The following DLC1 variants were observed in gnomAD, a reference collection of about 807,000 sequenced individuals.
DLC1 encodes the protein rho GTPase-activating protein 7.
DLC1 carries 54 observed loss-of-function variants against 140.3 expected under a neutral mutation model. That is an observed-to-expected ratio of 0.38 (90% CI 0.31 to 0.48). DLC1 has a LOEUF of 0.48. Ranked by LOEUF, DLC1 falls within the 20% of genes least tolerant of loss-of-function variation. The probability of loss-of-function intolerance (pLI) is 0.96; values close to 1 mark genes in which losing one functional copy is unlikely to be tolerated. For synonymous variants in DLC1, 986 were observed against 728.1 expected, an observed-to-expected ratio of 1.35 and a Z score of -5.70; for missense variants, 2,536 against 1,907.0, an observed-to-expected ratio of 1.33 and a Z score of -6.14.
At chr8:13,342,505 C>T (rs923700508) in intron 4 of DLC1, 1 of 152,154 alleles carries the variant, frequency 6.6e-6, no homozygotes, top group Non-Finnish European at 1.5e-5. Context: ...GCAGAGTAGG[C>T]TTTGTAATGC....
chr8:13,188,936 GC>G (rs1417809641), intron 5 of DLC1, among the ~76,000 whole-genome samples: 7 of 142,500 alleles, frequency 4.9e-5, no homozygotes, highest in Non-Finnish European at 7.5e-5. Flanking sequence ...TTATCCGCCC[GC>G]CTCGGCCTCC....
intron 5 of DLC1, among the ~76,000 whole-genome samples, chr8:13,143,978 G>C (rs1823233305): frequency 6.6e-6 from 1 of 152,178 alleles, no homozygotes; most frequent in African/African-American, 2.4e-5. Flanking sequence ...GACTGCAGCG[G>C]CCGGAGAGAC....
chr8:13,386,730 G>A (rs1441276658), intron 4 of DLC1, among the ~76,000 whole-genome samples: 3 of 151,974 alleles, frequency 2.0e-5, no homozygotes, highest in African/African-American at 7.2e-5. Flanking sequence ...AATCCTCTGT[G>A]CTTTTAAATC....
intron 5 of DLC1, among the ~76,000 whole-genome samples, chr8:13,163,069 C>T (rs1585811553): frequency 1.3e-5 from 2 of 152,242 alleles, no homozygotes; most frequent in East Asian, 3.9e-4. Flanking sequence ...TACAGGCAGG[C>T]ATACAACCAG....
chr8:13,416,197 C>T (rs977963322), intron 2 of DLC1, among the ~76,000 whole-genome samples: 3 of 152,142 alleles, frequency 2.0e-5, no homozygotes, highest in African/African-American at 7.2e-5. Flanking sequence ...TGTCTTTCTA[C>T]ATCCTAAGTT....
Position 13,306,583 on chromosome 8 carries a change from T to A in DLC1, c.1315-1281A>T, listed in dbSNP as rs113441099. Among the ~76,000 whole-genome samples, 490 of 121,006 alleles carry A rather than the reference T, an allele frequency of 4.0e-3. 2 individuals carry two copies. The highest frequency in any genetic ancestry group is 0.013 in the East Asian group (59 of 4,554). The allele number at this position is 121,006 out of a possible 152,430, so 79.4% of individuals were successfully genotyped here. ...TTGTGTGTGTGTGTGTGTGTGTGTG[T>A]GAGAGAGAGAGAGAGAGAGGCCCAA... On this transcript the variant is annotated intron_variant, in intron 4 of 17. Coordinates refer to ENST00000276297, the MANE Select transcript of DLC1 (RefSeq NM_182643.3).
chr8:13,216,799 C>A (rs899262684), intron 5 of DLC1, among the ~76,000 whole-genome samples: 3 of 152,052 alleles, frequency 2.0e-5, no homozygotes, highest in African/African-American at 7.2e-5. Flanking sequence ...TAGTAGTACC[C>A]CCAGCTGTGA....
chr8:13,375,913 A>G (rs1390820770), intron 4 of DLC1, among the ~76,000 whole-genome samples: 2 of 152,194 alleles, frequency 1.3e-5, no homozygotes, highest in African/African-American at 2.4e-5. Context: ...TATATAGTCA[A>G]CATCGGCTAC....
At chr8:13,572,049 G>C (rs1468185458) in intron 1 of DLC1, among the ~76,000 whole-genome samples, 1 of 151,200 alleles carries the variant, frequency 6.6e-6, no homozygotes, top group Non-Finnish European at 1.5e-5. Flanking sequence ...TTTTCAAATT[G>C]AGTTGTCTAT....
At chr8:13,559,900 G>A (rs748031140) in intron 1 of DLC1, among the ~76,000 whole-genome samples, 94 of 148,726 alleles carry the variant, frequency 6.3e-4, no homozygotes, top group Non-Finnish European at 1.0e-3. Flanking sequence ...CTGCCCAAAG[G>A]CTGATGGACT....
intron 1 of DLC1, among the ~76,000 whole-genome samples, chr8:13,600,368 C>T (rs931512892): frequency 2.0e-5 from 3 of 151,854 alleles, no homozygotes; most frequent in African/African-American, 7.2e-5. Context: ...TAAAATTTCT[C>T]AGTAAGGCTG....
At chr8:13,177,432 T>C (rs956478870) in intron 5 of DLC1, among the ~76,000 whole-genome samples, 14 of 152,244 alleles carry the variant, frequency 9.2e-5, no homozygotes, top group African/African-American at 3.1e-4. Flanking sequence ...AGAACCCTTA[T>C]GTTATTTAAA....
chr8:13,166,808 G>C lies in DLC1; in HGVS notation c.1349-51151C>G, dbSNP rs568173628. Among the ~76,000 whole-genome samples, 73 of 152,300 alleles carry C rather than the reference G, an allele frequency of 4.8e-4. 3 individuals carry two copies. In the South Asian group the frequency reaches 0.014, roughly 29 times the overall value. On this transcript the variant is annotated intron_variant, in intron 5 of 17. Coordinates refer to ENST00000276297, the MANE Select transcript of DLC1 (RefSeq NM_182643.3). Reference sequence around the variant, plus strand: ...CCCAGTTCATACTAAGTGCAGCTATGGGGGAGAAAGACTGCAGGTGCTGGG... The same window carrying C: ...CCCAGTTCATACTAAGTGCAGCTATCGGGGAGAAAGACTGCAGGTGCTGGG...
intron 5 of DLC1, among the ~76,000 whole-genome samples, chr8:13,121,620 C>G (rs574064472): frequency 6.6e-6 from 1 of 152,268 alleles, no homozygotes; most frequent in African/African-American, 2.4e-5. Flanking sequence ...ATGATCACAG[C>G]TCTCTGTAGC....
chr8:13,504,367 C>T (rs567083446), intron 1 of DLC1, among the ~76,000 whole-genome samples: 15 of 152,268 alleles, frequency 9.9e-5, no homozygotes, highest in Admixed American at 3.3e-4. Flanking sequence ...TCAGGTGATC[C>T]GCCTGCCTCG....
intron 5 of DLC1, among the ~76,000 whole-genome samples, chr8:13,137,935 C>A (rs1822694115): frequency 6.6e-6 from 1 of 151,948 alleles, no homozygotes; most frequent in South Asian, 2.1e-4. Context: ...CAGGGGTATC[C>A]GTGGCCACTG....
intron 4 of DLC1, among the ~76,000 whole-genome samples, chr8:13,315,498 G>C (rs1180365651): frequency 1.3e-5 from 2 of 152,196 alleles, no homozygotes; most frequent in Non-Finnish European, 2.9e-5. Flanking sequence ...AAATGTAAGA[G>C]GAGTCTGCTC....
chr8:13,167,578 G>A (rs977102911), intron 5 of DLC1, among the ~76,000 whole-genome samples: 4 of 152,152 alleles, frequency 2.6e-5, no homozygotes, highest in Admixed American at 2.6e-4. Context: ...TGAAATCAGA[G>A]TACAGATCCC....
At chr8:13,402,888 C>T (rs1326579190) in intron 2 of DLC1, among the ~76,000 whole-genome samples, 1 of 152,172 alleles carries the variant, frequency 6.6e-6, no homozygotes, top group African/African-American at 2.4e-5. Flanking sequence ...TTTTATAGAA[C>T]TCTGTATATC....
Sources: allele counts gnomAD v4.1 joint callset (sites outside exome capture counted in the v4.1 genomes callset), GRCh38; gene constraint gnomAD v4.1.1; transcripts MANE v1.5; gene names NCBI Gene and HGNC (gene_info 2026-07-23, HGNC 2026-07-21).